The following COL21A1 variants were observed in gnomAD, a reference collection of about 807,000 sequenced individuals.
COL21A1 encodes the protein collagen alpha-1(XXI) chain.
A neutral mutation model predicts 137.9 loss-of-function variants in COL21A1; 149 were observed. The ratio of observed to expected loss-of-function variants is 1.08; its 90% CI spans 0.95 to 1.24. The LOEUF is 1.24. Among genes scored for constraint, COL21A1 ranks in the 50% most tolerant of loss-of-function variants. The pLI is 0.00. For missense variants in COL21A1, 1,167 were observed against 1,158.4 expected (o/e 1.01, Z -0.11); for synonymous variants, 456 against 391.5 (o/e 1.16, Z -1.95).
At chr6:56,173,494 C>A (rs566159358) in intron 3 of COL21A1, among the ~76,000 whole-genome samples, 33 of 151,914 alleles carry the variant, frequency 2.2e-4, no homozygotes, top group Non-Finnish European at 4.4e-4. Context: ...AATTTAAGGA[C>A]ACACATAGGC....
Position 56,286,466 on chromosome 6 carries a change from C to T in COL21A1, c.-38-103810G>A, listed in dbSNP as rs80351427. On this transcript the variant is annotated intron_variant, in intron 1 of 28. Coordinates refer to the COL21A1 transcript ENST00000370819. Reference sequence around the variant, plus strand: ...ACACTCATATATGCACACATGTATACATGCACACTTAAGCACACTTGCATT... The same window carrying T: ...ACACTCATATATGCACACATGTATATATGCACACTTAAGCACACTTGCATT... Among the ~76,000 whole-genome samples the T allele has an allele frequency of 3.3e-3, 503 of 152,252 alleles. 9 individuals carry two copies. In the East Asian group the frequency reaches 0.036, roughly 11 times the overall value.
intron 1 of COL21A1, among the ~76,000 whole-genome samples, chr6:56,193,792 C>CTG (rs3065946): frequency 0.65 from 97,988 of 150,608 alleles, 32,210 homozygotes; most frequent in East Asian, 0.86. Flanking sequence ...GAGTCTCACT[C>CTG]TCACCAGGCT....
chr6:56,326,224 GAAAAGA>G (rs1765087500), intron 1 of COL21A1, among the ~76,000 whole-genome samples: 1 of 149,538 alleles, frequency 6.7e-6, no homozygotes, highest in Non-Finnish European at 1.5e-5. Context: ...ATACAAAATT[GAAAAGA>G]TAATTAAGTT....
rs192980250 is a variant in COL21A1, at chr6:56,156,843, G to C, written c.1434+44C>G. 3,772 of 1,504,626 alleles carry C rather than the reference G, an allele frequency of 2.5e-3. 17 individuals carry two copies. The highest frequency in any genetic ancestry group is 2.6e-3 in the Non-Finnish European group (2,846 of 1,088,676). 93.2% of individuals were successfully genotyped at this position (1,504,626 alleles called of 1,614,324 possible). A position where few individuals can be genotyped will look rare whatever the true frequency, so the allele number is the denominator to read the frequency against. On this transcript the variant is annotated intron_variant, in intron 10 of 29. Coordinates refer to ENST00000244728, the MANE Select transcript of COL21A1 (RefSeq NM_030820.4). ...TCAGCAAAACTTTTACTTTGACACT[G>C]TAATCCCAGATATACCGGAGATGAC...
At chr6:56,201,366 C>T (rs368198900) in intron 1 of COL21A1, among the ~76,000 whole-genome samples, 15 of 151,980 alleles carry the variant, frequency 9.9e-5, no homozygotes, top group Non-Finnish European at 1.9e-4. Flanking sequence ...GTTTTGGACA[C>T]GAAGTCCTTG....
In COL21A1 at chr6:56,059,162, C is replaced by T. The variant is rs148165748; in HGVS notation, c.2686+3G>A. 8.7e-4 allele frequency: 1,400 copies of T among 1,611,182 alleles called. 12 individuals carry two copies. In the African/African-American group the frequency reaches 0.016, roughly 19 times the overall value. Reference sequence around the variant, plus strand: ...ACACTTATGAGCAGGTAGCAATTCTCACCTGGGGGACCAGGAGGACCTTGT... The same window carrying T: ...ACACTTATGAGCAGGTAGCAATTCTTACCTGGGGGACCAGGAGGACCTTGT... On this transcript the variant is annotated splice_donor_region_variant and intron_variant, in intron 29 of 29. Coordinates refer to ENST00000244728, the MANE Select transcript of COL21A1 (RefSeq NM_030820.4).
chr6:56,183,756 G>T (rs1050881859), intron 1 of COL21A1, among the ~76,000 whole-genome samples: 5 of 152,102 alleles, frequency 3.3e-5, no homozygotes, highest in African/African-American at 9.7e-5. Flanking sequence ...GTAGCAAAAA[G>T]TGTTTGTAAA....
chr6:56,248,145 G>T (rs1782750065), upstream of COL21A1, among the ~76,000 whole-genome samples: 1 of 152,174 alleles, frequency 6.6e-6, no homozygotes, highest in African/African-American at 2.4e-5. Context: ...TGTCTGCTCT[G>T]CCCCTTTGAG....
At chr6:56,287,389 G>C (rs1763941309) in intron 1 of COL21A1, among the ~76,000 whole-genome samples, 1 of 152,136 alleles carries the variant, frequency 6.6e-6, no homozygotes, top group South Asian at 2.1e-4. Context: ...ATGTTGAATT[G>C]TAATCCTTAG....
intron 17 of COL21A1, among the ~76,000 whole-genome samples, chr6:56,100,271 A>C (rs2152164165): frequency 6.6e-6 from 1 of 152,270 alleles, no homozygotes; most frequent in South Asian, 2.1e-4. Context: ...TTCATGAACA[A>C]ATCTGGCACA....
At chr6:56,360,080 T>C (rs1310232524) in intron 1 of COL21A1, among the ~76,000 whole-genome samples, 1 of 152,170 alleles carries the variant, frequency 6.6e-6, no homozygotes, top group African/African-American at 2.4e-5. Flanking sequence ...TTTCACAGGA[T>C]TTTAAATCAT....
chr6:56,107,993 TAATTTA>T (rs1485626837), intron 16 of COL21A1, among the ~76,000 whole-genome samples: 1 of 151,980 alleles, frequency 6.6e-6, no homozygotes, highest in African/African-American at 2.4e-5. Flanking sequence ...TAATAGGGTA[TAATTTA>T]AATTTAACAC....
chr6:56,245,405 G>T (rs1782580836), intron 1 of COL21A1, among the ~76,000 whole-genome samples: 1 of 152,062 alleles, frequency 6.6e-6, no homozygotes, highest in Non-Finnish European at 1.5e-5. Flanking sequence ...CAAATTATAA[G>T]GATAATTTGA....
At chr6:56,097,926 TAAATATATAAAAATATATATAAATATAA>T (rs1562188648) in intron 17 of COL21A1, among the ~76,000 whole-genome samples, 4 of 96,066 alleles carry the variant, frequency 4.2e-5, no homozygotes, top group Admixed American at 1.6e-4. Context: ...TATAAATATA[TAAATATATAAAAATATATATAAATATAA>T]AAATATATAT....
At chr6:56,286,508 A>G (rs978213113) in intron 1 of COL21A1, among the ~76,000 whole-genome samples, 2 of 152,232 alleles carry the variant, frequency 1.3e-5, no homozygotes, top group Non-Finnish European at 1.5e-5. Context: ...CCCAAATAAA[A>G]TTCTAAGTTC....
chr6:56,205,015 C>A (rs887273333), intron 1 of COL21A1, among the ~76,000 whole-genome samples: 1 of 152,106 alleles, frequency 6.6e-6, no homozygotes, highest in African/African-American at 2.4e-5. Flanking sequence ...TAGATAAATC[C>A]ACAAAGATGG....
chr6:56,144,020 T>A (rs1774640921), intron 10 of COL21A1, among the ~76,000 whole-genome samples: 1 of 152,206 alleles, frequency 6.6e-6, no homozygotes, highest in African/African-American at 2.4e-5. Flanking sequence ...AGAAATTCAA[T>A]CTACATGGAA....
At chr6:56,260,673 A>AGGC (rs1763241968) in intron 1 of COL21A1, among the ~76,000 whole-genome samples, 3 of 125,390 alleles carry the variant, frequency 2.4e-5, no homozygotes, top group African/African-American at 1.1e-4. Flanking sequence ...GGAAGGAAGG[A>AGGC]AGGAAGGAAG....
intron 17 of COL21A1, among the ~76,000 whole-genome samples, chr6:56,097,936 A>AATATAT (rs1562188708): frequency 2.3e-5 from 1 of 43,264 alleles, no homozygotes; most frequent in Non-Finnish European, 3.7e-5. Context: ...TAAATATATA[A>AATATAT]AAATATATAT....
Sources: gnomAD v4.1 joint callset for allele counts (sites outside exome capture counted in the v4.1 genomes callset) on GRCh38, gnomAD v4.1.1 for gene constraint, MANE v1.5 for transcripts, NCBI Gene and HGNC (gene_info 2026-07-23, HGNC 2026-07-21) for gene names.